Variants in DPP10 observed in about 807,000 individuals in gnomAD.
The protein encoded by DPP10 is inactive dipeptidyl peptidase 10.
In DPP10, 33 loss-of-function variants were observed where a neutral mutation model predicts 120.9. That is an observed-to-expected ratio of 0.27 (90% CI 0.21 to 0.37). The LOEUF is 0.37. DPP10 is among the 10% of genes least tolerant of loss of function. The pLI is 1.00. For missense variants in DPP10, 816 were observed against 942.8 expected (o/e 0.87, Z 1.76); for synonymous variants, 337 against 326.1 (o/e 1.03, Z -0.36).
At chr2:114,621,064 A>T (rs1388255220) in intron 1 of DPP10, among the ~76,000 whole-genome samples, 1 of 152,100 alleles carries the variant, frequency 6.6e-6, no homozygotes, top group African/African-American at 2.4e-5. Flanking sequence ...GTTCTGAGAG[A>T]AGAGATGAAG....
At chr2:115,114,087 G>A (rs1029471145) in intron 1 of DPP10, among the ~76,000 whole-genome samples, 8 of 152,110 alleles carry the variant, frequency 5.3e-5, no homozygotes, top group African/African-American at 1.9e-4. Context: ...GACTAATTCT[G>A]CCCACCACCA....
intron 1 of DPP10, among the ~76,000 whole-genome samples, chr2:114,626,226 C>T (rs1404933053): frequency 6.6e-6 from 1 of 151,682 alleles, no homozygotes; most frequent in Non-Finnish European, 1.5e-5. Flanking sequence ...TTATCAAAAA[C>T]ACAGTTTATG....
chr2:114,465,779 G>A (rs1045880850), intron 1 of DPP10, among the ~76,000 whole-genome samples: 15 of 152,320 alleles, frequency 9.8e-5, no homozygotes, highest in African/African-American at 3.6e-4. Flanking sequence ...TATGCAATGT[G>A]TAATGATCAA....
chr2:114,672,236 C>CG (rs1253777143), intron 1 of DPP10, among the ~76,000 whole-genome samples: 1 of 151,250 alleles, frequency 6.6e-6, no homozygotes, highest in Non-Finnish European at 1.5e-5. Flanking sequence ...TTAATACAGT[C>CG]TAAGATTTCT....
chr2:114,919,958 C>G (rs1377270761), intron 1 of DPP10, among the ~76,000 whole-genome samples: 2 of 152,126 alleles, frequency 1.3e-5, no homozygotes, highest in Non-Finnish European at 2.9e-5. Flanking sequence ...CTGGGGATCT[C>G]CAGACAGAGG....
intron 1 of DPP10, among the ~76,000 whole-genome samples, chr2:115,180,906 ATGCCTCCCTTCCTCC>A (rs1332392090): frequency 1.0e-3 from 1 of 1,004 alleles, no homozygotes. Flanking sequence ...CCCTCCCTCC[ATGCCTCCCTTCCTCC>A]TGCCTCCCTC....
At chr2:115,194,027 A>G (rs374104329) in intron 1 of DPP10, among the ~76,000 whole-genome samples, 8 of 152,188 alleles carry the variant, frequency 5.3e-5, no homozygotes, top group Non-Finnish European at 1.0e-4. Flanking sequence ...TTCTAACAAA[A>G]TAGCCTCACA....
intron 4 of DPP10, among the ~76,000 whole-genome samples, chr2:115,522,592 ATTTG>A (rs2077881191): frequency 1.3e-5 from 2 of 152,078 alleles, no homozygotes; most frequent in Non-Finnish European, 2.9e-5. Context: ...TCACCTGCAT[ATTTG>A]CTTTACTCTG....
intron 3 of DPP10, among the ~76,000 whole-genome samples, chr2:115,382,799 C>A (rs187113341): frequency 6.6e-6 from 1 of 152,124 alleles, no homozygotes; most frequent in Non-Finnish European, 1.5e-5. Flanking sequence ...TTTAAAAAGG[C>A]TAGAGGAAGT....
At chr2:115,344,990 A>G (rs1057073750) in intron 3 of DPP10, among the ~76,000 whole-genome samples, 5 of 152,188 alleles carry the variant, frequency 3.3e-5, no homozygotes, top group African/African-American at 1.2e-4. Context: ...TGGAAGCTAT[A>G]TAAAGAGAAT....
chr2:115,163,251 A>G (rs946522226), intron 1 of DPP10, among the ~76,000 whole-genome samples: 4 of 152,202 alleles, frequency 2.6e-5, no homozygotes, highest in Admixed American at 6.5e-5. Context: ...AGTGGTGGCG[A>G]GACACAGGAG....
chr2:115,415,681 T>C (rs1488344564), intron 3 of DPP10, among the ~76,000 whole-genome samples: 1 of 151,636 alleles, frequency 6.6e-6, no homozygotes, highest in Admixed American at 6.6e-5. Flanking sequence ...AAAATGAGGA[T>C]TTTGCCTGTT....
chr2:115,348,884 A>G (rs903082058), intron 3 of DPP10, among the ~76,000 whole-genome samples: 14 of 152,070 alleles, frequency 9.2e-5, no homozygotes, highest in Admixed American at 6.6e-5. Context: ...GCAATATCAA[A>G]TTGCTATGAA....
At chr2:115,156,651 C>T (rs1038632964) in intron 1 of DPP10, among the ~76,000 whole-genome samples, 2 of 152,088 alleles carry the variant, frequency 1.3e-5, no homozygotes, top group African/African-American at 2.4e-5. Flanking sequence ...TAAGAGAAGG[C>T]TCAGTAATAT....
At chr2:114,772,707 A>G (rs1681380040) in intron 1 of DPP10, among the ~76,000 whole-genome samples, 1 of 150,734 alleles carries the variant, frequency 6.6e-6, no homozygotes. Context: ...ACTCAATCTC[A>G]GTTTAAGAAG....
rs114121343 is a variant in DPP10, at chr2:114,514,394, C to A, written c.60+71556C>A. On this transcript the variant is annotated intron_variant, in intron 1 of 25. Transcript: ENST00000410059. ...TAACCCTCAGGGCAATGCTTTGGCA[C>A]TCTACAATCTTACCTCCTAGAAACA... Among the ~76,000 whole-genome samples, 908 of 152,274 alleles carry A rather than the reference C, an allele frequency of 6.0e-3. 5 individuals are homozygous for A. The highest frequency in any genetic ancestry group is 9.6e-3 in the Non-Finnish European group (652 of 68,016).
intron 1 of DPP10, among the ~76,000 whole-genome samples, chr2:114,884,554 C>T (rs962889907): frequency 5.9e-5 from 9 of 152,094 alleles, no homozygotes; most frequent in African/African-American, 1.9e-4. Flanking sequence ...CCCCCTTCCA[C>T]GTTTATGTTT....
chr2:115,381,109 A>G lies in DPP10; in HGVS notation c.271+37197A>G, dbSNP rs1035066079. Among the ~76,000 whole-genome samples the G allele has an allele frequency of 2.1e-4, 32 of 152,248 alleles. 1 individual carries two copies. Among genetic ancestry groups the G allele is most frequent in the South Asian group, 8.3e-4 (4 of 4,820 alleles). On this transcript the variant is annotated intron_variant, in intron 3 of 25. Transcript: ENST00000410059. ...ATCTGAATGTTGGCCTGCCTTGCTA[A>G]ATTGGGGAAATTCTCCTGGATAATA...
chr2:115,476,742 G>C (rs751977984), intron 3 of DPP10, among the ~76,000 whole-genome samples: 1 of 152,086 alleles, frequency 6.6e-6, no homozygotes, highest in African/African-American at 2.4e-5. Flanking sequence ...CATCCAAACT[G>C]TGTTAATACT....
Sources: allele counts gnomAD v4.1 joint callset (sites outside exome capture counted in the v4.1 genomes callset), GRCh38; gene constraint gnomAD v4.1.1; transcripts MANE v1.5; gene names NCBI Gene and HGNC (gene_info 2026-07-23, HGNC 2026-07-21).